The following GSN variants were observed in gnomAD, a reference collection of about 807,000 sequenced individuals.
GSN encodes the protein actin-depolymerizing factor.
In GSN, 56 loss-of-function variants were observed where a neutral mutation model predicts 85.7. That is an observed-to-expected ratio of 0.65 (90% CI 0.53 to 0.82). The LOEUF is 0.82. Among genes scored for constraint, GSN ranks in the 40% least tolerant of loss-of-function variants. GSN has a pLI of 0.00. For synonymous variants in GSN, 373 were observed against 399.1 expected (o/e 0.93, Z 0.78); for missense variants, 857 against 979.8 (o/e 0.87, Z 1.67).
At chr9:121,311,212 T>G (rs2061099159) in intron 5 of GSN, 1 of 333,788 alleles carries the variant, frequency 3.0e-6, no homozygotes. Context: ...TATACTCGGG[T>G]ATGTTGTTTA....
intron 1 of GSN, chr9:121,280,294 A>G (rs1375503993): frequency 6.6e-6 from 1 of 152,246 alleles, no homozygotes; most frequent in Non-Finnish European, 1.5e-5. Flanking sequence ...ACTGAGCTGC[A>G]TACTCCACGA....
Position 121,302,918 on chromosome 9 carries a change from G to T in GSN, c.204G>T (p.Glu68Asp), listed in dbSNP as rs779217957. 1 of 1,613,732 alleles carries T rather than the reference G, an allele frequency of 6.2e-7. No homozygotes were observed. The highest frequency in any genetic ancestry group is 8.5e-7 in the Non-Finnish European group (1 of 1,180,032). The change falls in exon 4 of 18, where the codon GAG (glutamate) becomes GAT (aspartate). Residue 68 changes from glutamate to aspartate, a missense_variant. Glu to Asp is a conservative substitution (Grantham distance 45). Coordinates refer to ENST00000432226, the MANE Select transcript of GSN (RefSeq NM_198252.3). ...QYDLHYWLGN[E>D]CSQDESGAAA... The stretch of plus-strand genomic sequence containing the variant: ...TGCTCTGATGTCCCGTAGGCAATGA[G>T]TGCAGCCAGGATGAGAGCGGGGCGG...
chr9:121,283,463 A>G (rs1411269192), intron 2 of GSN: 1 of 153,818 alleles, frequency 6.5e-6, no homozygotes, highest in Non-Finnish European at 1.5e-5. Context: ...ATACCCGGCT[A>G]ATGTTTGTGT....
chr9:121,229,339 G>GC (rs2054341191), intron 4 of GSN, among the ~76,000 whole-genome samples: 1 of 152,296 alleles, frequency 6.6e-6, no homozygotes, highest in South Asian at 2.1e-4. Flanking sequence ...TCCTGCCTCA[G>GC]CCTCCTGAGC....
Position 121,326,598 on chromosome 9 carries a change from C to T in GSN, c.1503C>T (p.Ser501=), listed in dbSNP as rs947399624. The change falls in exon 13 of 18, where the codon TCC becomes TCT. Residue 501 remains serine, a synonymous_variant. Coordinates refer to ENST00000432226, the MANE Select transcript of GSN (RefSeq NM_198252.3). ...TGATCATCTACAAGGGCGGCACCTC[C>T]CGCGAGGGCGGGCAGACAGCCCCTG... ...KPMIIYKGGT[S]REGGQTAPAS... 5.0e-6 allele frequency: 8 copies of T among 1,611,398 alleles called. No individual in the cohort carries two copies. The highest frequency in any genetic ancestry group is 6.8e-6 in the Non-Finnish European group (8 of 1,178,778).
At chr9:121,231,938 G>A (rs1233893929) in intron 5 of GSN, among the ~76,000 whole-genome samples, 2 of 152,120 alleles carry the variant, frequency 1.3e-5, no homozygotes, top group Admixed American at 6.5e-5. Context: ...ATGGTGGCGG[G>A]TGCCTGTAAA....
intron 12 of GSN, among the ~76,000 whole-genome samples, 184 bp from the exon 13 acceptor site, chr9:121,326,328 A>G (rs1350689455): frequency 6.6e-6 from 1 of 151,936 alleles, no homozygotes; most frequent in Non-Finnish European, 1.5e-5. Context: ...GACCTCAGAC[A>G]ATAGCACTGT....
chr9:121,233,229 A>G (rs887679702), intron 5 of GSN, among the ~76,000 whole-genome samples: 3 of 152,060 alleles, frequency 2.0e-5, no homozygotes, highest in African/African-American at 7.2e-5. Context: ...ACTTAGGGAG[A>G]CTGAGGCAGG....
At chr9:121,327,192 G>A (rs760391327) in intron 13 of GSN, 116 bp from the exon 14 acceptor site, 3 of 877,492 alleles carry the variant, frequency 3.4e-6, no homozygotes, top group East Asian at 2.4e-5. Context: ...CTGATGGGCT[G>A]TGTTCCTCCA....
chr9:121,239,138 T>C, intron 5 of GSN: 2 of 345,812 alleles, frequency 5.8e-6, no homozygotes, highest in Non-Finnish European at 1.1e-5. Flanking sequence ...TCATATATAG[T>C]GGCTAAGTCT....
intron 5 of GSN, among the ~76,000 whole-genome samples, chr9:121,243,934 T>C (rs1291587111): frequency 1.3e-5 from 2 of 152,230 alleles, no homozygotes; most frequent in Non-Finnish European, 2.9e-5. Context: ...TGTGTAATTA[T>C]ATCACAATCA....
At position 121,332,627 on chromosome 9, in the gene GSN, C is replaced by T. The variant is rs1445666383; in HGVS notation, c.*24C>T. 1.1e-5 allele frequency: 18 copies of T among 1,600,742 alleles called. No homozygotes were observed. Among genetic ancestry groups the T allele is most frequent in the Non-Finnish European group, 1.5e-5 (17 of 1,171,136 alleles). ...GAGGAGGGGCAGGGCCCACCCATGT[C>T]ACCGGTCAGTGCCTTTTGGAACTGT... On this transcript the variant is annotated 3_prime_UTR_variant, in exon 18 of 18. Coordinates refer to ENST00000432226, the MANE Select transcript of GSN (RefSeq NM_198252.3). The surrounding 1 kb of genome is among the most constrained non-coding windows in gnomAD (Gnocchi z 4.8).
chr9:121,219,958 C>T (rs563771042), intron 4 of GSN, among the ~76,000 whole-genome samples: 2 of 152,110 alleles, frequency 1.3e-5, no homozygotes, highest in South Asian at 4.1e-4. Context: ...CTCAGCTCAC[C>T]GCAATCTCCG....
At chr9:121,324,934 G>T (rs1056424131) in intron 12 of GSN, among the ~76,000 whole-genome samples, 2 of 152,202 alleles carry the variant, frequency 1.3e-5, no homozygotes, top group African/African-American at 2.4e-5. Context: ...GCACACCAAT[G>T]GCTATGACAG....
At chr9:121,235,223 G>T (rs373028794) in intron 5 of GSN, among the ~76,000 whole-genome samples, 1 of 152,200 alleles carries the variant, frequency 6.6e-6, no homozygotes. Flanking sequence ...GAGAAAAGTC[G>T]TGAGTTTCAC....
chr9:121,298,058 A>G (rs1428918311), intron 2 of GSN, among the ~76,000 whole-genome samples: 1 of 152,064 alleles, frequency 6.6e-6, no homozygotes, highest in East Asian at 1.9e-4. Context: ...GGGCAGGCCC[A>G]GGCCTGGACT....
At chr9:121,290,379 A>G (rs2058571162) in intron 2 of GSN, among the ~76,000 whole-genome samples, 1 of 152,060 alleles carries the variant, frequency 6.6e-6, no homozygotes, top group Admixed American at 6.5e-5. Context: ...CCAGTACTAT[A>G]CCTCTGTTTG....
chr9:121,264,156 G>C (rs2055148299), upstream of GSN, among the ~76,000 whole-genome samples: 1 of 152,126 alleles, frequency 6.6e-6, no homozygotes, highest in Non-Finnish European at 1.5e-5. Context: ...CTGGGTGTAA[G>C]AATGCATGGA....
intron 6 of GSN, among the ~76,000 whole-genome samples, chr9:121,249,385 G>A (rs1322012646): frequency 1.3e-5 from 2 of 152,174 alleles, no homozygotes; most frequent in Admixed American, 1.3e-4. Flanking sequence ...GCTGAGGCAG[G>A]AGGATCACCT....
Sources: gnomAD v4.1 joint callset for allele counts (sites outside exome capture counted in the v4.1 genomes callset) on GRCh38, gnomAD v4.1.1 for gene constraint, Gnocchi (gnomAD v3.1) non-coding constraint, MANE v1.5 for transcripts, NCBI Gene and HGNC (gene_info 2026-07-23, HGNC 2026-07-21) for gene names.